Variants in BBS5 observed in about 807,000 individuals in gnomAD.
BBS5 encodes BBSome complex member BBS5.
A neutral mutation model predicts 50.2 loss-of-function variants in BBS5; 39 were observed. That is an observed-to-expected ratio of 0.78 (90% CI 0.60 to 1.01). BBS5 has a LOEUF of 1.01. BBS5 is among the 50% of genes least tolerant of loss of function. The pLI, the probability that BBS5 is intolerant of heterozygous loss-of-function variation, is 0.00. For missense variants in BBS5, 356 were observed against 401.5 expected, an observed-to-expected ratio of 0.89 and a Z score of 0.97; for synonymous variants, 134 against 133.1, an observed-to-expected ratio of 1.01 and a Z score of -0.05.
intron 5 of BBS5, 23 bp from the exon 6 acceptor site, chr2:169,492,851 C>T: frequency 6.2e-7 from 1 of 1,601,594 alleles, no homozygotes. Context: ...TTTGAGTTGT[C>T]TTTTGTTTGT....
chr2:169,492,819 C>T lies in BBS5; in HGVS notation c.387-55C>T, dbSNP rs1001100096. On this transcript the variant is annotated intron_variant, in intron 5 of 11. Coordinates refer to ENST00000295240, the MANE Select transcript of BBS5 (RefSeq NM_152384.3). The stretch of plus-strand genomic sequence containing the variant: ...TACATATTTTAGTAAGTAAACATAA[C>T]CCAAGAAAATCACATTTTCAGTTTG... 6 of 1,515,304 alleles carry T rather than the reference C, an allele frequency of 4.0e-6. No individual in the cohort carries two copies. In the East Asian group the frequency reaches 7.0e-5, roughly 18 times the overall value. 93.9% of individuals were successfully genotyped at this position (1,515,304 alleles called of 1,614,324 possible). A position where few individuals can be genotyped will look rare whatever the true frequency, so the allele number is the denominator to read the frequency against.
At chr2:169,483,719 C>T (rs1223089172) in intron 2 of BBS5, among the ~76,000 whole-genome samples, 1 of 152,148 alleles carries the variant, frequency 6.6e-6, no homozygotes, top group South Asian at 2.1e-4. Flanking sequence ...CACCTACAGG[C>T]AGATCCTTTT....
chr2:169,488,566 G>T (rs1683528422), intron 5 of BBS5, among the ~76,000 whole-genome samples: 1 of 152,230 alleles, frequency 6.6e-6, no homozygotes, highest in South Asian at 2.1e-4. Flanking sequence ...CTCACCTCCT[G>T]CTGGGCAGCC....
intron 1 of BBS5, 23 bp downstream of exon 1, chr2:169,479,635 G>A: frequency 6.2e-7 from 1 of 1,613,960 alleles, no homozygotes; most frequent in Non-Finnish European, 8.5e-7. Flanking sequence ...GATTCCCGAG[G>A]GATCTTCAAC....
chr2:169,504,239 G>A, intron 10 of BBS5, 64 bp from the exon 11 acceptor site: 1 of 1,380,588 alleles, frequency 7.2e-7, no homozygotes, highest in Non-Finnish European at 1.0e-6. Flanking sequence ...AAGTTCCTTA[G>A]CCCACTGATC....
In BBS5 at chr2:169,505,041, C is replaced by G. The variant is rs1206797685; in HGVS notation, c.*459C>G. 2.0e-5 allele frequency: 31 copies of G among 1,512,668 alleles called. No individual in the cohort carries two copies. The highest frequency in any genetic ancestry group is 2.8e-5 in the Non-Finnish European group (31 of 1,097,092). The allele number at this position is 1,512,668 out of a possible 1,614,324, so 93.7% of individuals were successfully genotyped here. On this transcript the variant is annotated 3_prime_UTR_variant, in exon 12 of 12. Transcript: ENST00000295240. Reference sequence around the variant, plus strand: ...CTGTACTGCTGCCATCTCTGGCTCACTGCAACCTCCCTGCCTGATTCTCCT... The same window carrying G: ...CTGTACTGCTGCCATCTCTGGCTCAGTGCAACCTCCCTGCCTGATTCTCCT...
chr2:169,487,839 C>T lies in BBS5; in HGVS notation c.242C>T (p.Thr81Ile), dbSNP rs1683512200. Residue 81 changes from threonine to isoleucine, a missense_variant, in exon 4 of 12, where the codon ACA becomes ATA. Transcript: ENST00000295240. ...TACAATTGCATATTGAATATTACAA[C>T]AAGGACTGCTAACTCTGTAAGTCTA... ...VGYNCILNIT[T>I]RTANSKLRGQ... 1.9e-6 allele frequency: 3 copies of T among 1,607,168 alleles called. No homozygotes were observed. Among genetic ancestry groups the T allele is most frequent in the Non-Finnish European group, 2.6e-6 (3 of 1,174,726 alleles).
In BBS5 at chr2:169,484,829, G is replaced by A. The variant is rs1293684395; in HGVS notation, c.143-2240G>A. On this transcript the variant is annotated intron_variant, in intron 2 of 11. Coordinates refer to ENST00000295240, the MANE Select transcript of BBS5 (RefSeq NM_152384.3). ...TTAAAATATTATATTAAATAGCTGT[G>A]TGAGAATAAAAGGGACAGCCATATT... Among the ~76,000 whole-genome samples, 6 of 152,294 alleles carry A rather than the reference G, an allele frequency of 3.9e-5. No individual in the cohort carries two copies. The East Asian group carries it at 7.7e-4, about 20-fold the overall frequency.
chr2:169,500,456 C>T (rs1157089672), intron 9 of BBS5, among the ~76,000 whole-genome samples: 1 of 152,246 alleles, frequency 6.6e-6, no homozygotes. Flanking sequence ...GCTGTCCTCT[C>T]TGTCCTGGTC....
chr2:169,502,291 T>A (rs951580888), intron 9 of BBS5, among the ~76,000 whole-genome samples: 8 of 152,192 alleles, frequency 5.3e-5, no homozygotes, highest in African/African-American at 1.7e-4. Flanking sequence ...CTGTGAGGCA[T>A]ATTATTATTA....
intron 9 of BBS5, among the ~76,000 whole-genome samples, chr2:169,501,216 C>A (rs1683795103): frequency 6.6e-6 from 1 of 152,184 alleles, no homozygotes; most frequent in Non-Finnish European, 1.5e-5. Flanking sequence ...TTGGCACTGT[C>A]AAAGTCAGCT....
chr2:169,487,945 T>G, intron 4 of BBS5, 42 bp from the exon 5 acceptor site: 1 of 1,610,694 alleles, frequency 6.2e-7, no homozygotes, highest in Non-Finnish European at 8.5e-7. Context: ...AAGGAGAAAT[T>G]GCTCTTAAAA....
intron 5 of BBS5, among the ~76,000 whole-genome samples, chr2:169,488,548 C>A (rs1008175562): frequency 6.6e-6 from 1 of 152,222 alleles, no homozygotes; most frequent in African/African-American, 2.4e-5. Context: ...TCACTCACCC[C>A]CCAACCACTC....
At chr2:169,487,687 T>C (rs1683509837) in intron 3 of BBS5, 119 bp from the exon 4 acceptor site, 1 of 642,870 alleles carries the variant, frequency 1.6e-6, no homozygotes, top group Admixed American at 3.2e-5. Context: ...AAAGTTTATT[T>C]CTATATATGT....
At chr2:169,499,756 G>T (rs899491576) in intron 9 of BBS5, 136 bp downstream of exon 9, 1 of 895,744 alleles carries the variant, frequency 1.1e-6, no homozygotes, top group African/African-American at 1.7e-5. Context: ...GCTCAAGTGG[G>T]CATAGCTCCT....
In BBS5 at chr2:169,505,144, A is replaced by T. The variant is rs917855710; in HGVS notation, c.*562A>T. ...TGGTTTTCGTATTTTTTTGGTGGAG[A>T]CGGGGTTTCGCTGTGTTGGCCGGGC... is the stretch of plus-strand genomic sequence containing the variant. On this transcript the variant is annotated 3_prime_UTR_variant, in exon 12 of 12. Transcript: ENST00000295240. 17 of 703,782 alleles carry T rather than the reference A, an allele frequency of 2.4e-5. No individual in the cohort carries two copies. Among genetic ancestry groups the T allele is most frequent in the Non-Finnish European group, 3.6e-5 (15 of 411,824 alleles). The allele number at this position is 703,782 out of a possible 1,614,324, so 43.6% of individuals were successfully genotyped here. A position where few individuals can be genotyped will look rare whatever the true frequency, so the allele number is the denominator to read the frequency against.
chr2:169,497,686 G>A lies in BBS5; in HGVS notation c.678G>A (p.Gln226=). 1 of 1,581,668 alleles carries A rather than the reference G, an allele frequency of 6.3e-7. No individual in the cohort carries two copies. Among genetic ancestry groups the A allele is most frequent in the Non-Finnish European group, 8.7e-7 (1 of 1,151,146 alleles). The change falls in exon 8 of 12, where the codon CAG becomes CAA. Residue 226 remains glutamine, a synonymous_variant. Transcript: ENST00000295240. ...FGLALVIESS[Q]QSGGYVLGFK... ...TAGCTCTTGTCATAGAAAGCTCTCA[G>A]CAGGTAAGATCTTGTATATTTTTAT...
chr2:169,504,984 A>C lies in BBS5; in HGVS notation c.*402A>C. 8 of 1,612,696 alleles carry C rather than the reference A, an allele frequency of 5.0e-6. No individual in the cohort carries two copies. The highest frequency in any genetic ancestry group is 6.8e-6 in the Non-Finnish European group (8 of 1,179,814). ...GTGTGCTTTTTCAAGGGAGCTGATAAAGAACTTCTTCCCAAAATGGCCGAA... is the reference window on the plus strand; with the variant it reads ...GTGTGCTTTTTCAAGGGAGCTGATACAGAACTTCTTCCCAAAATGGCCGAA... On this transcript the variant is annotated 3_prime_UTR_variant, in exon 12 of 12. Transcript: ENST00000295240.
chr2:169,487,133 T>C lies in BBS5; in HGVS notation c.207T>C (p.Val69=), dbSNP rs1683500360. The C allele has an allele frequency of 1.2e-6, 2 of 1,605,978 alleles. No homozygotes were observed. Among genetic ancestry groups the C allele is most frequent in the African/African-American group, 2.7e-5 (2 of 74,746 alleles). Residue 69 remains valine, a splice_region_variant and synonymous_variant, in exon 3 of 12, where the codon GTT becomes GTC. Coordinates refer to ENST00000295240, the MANE Select transcript of BBS5 (RefSeq NM_152384.3). ...WHSLALSRVN[V]SVGYNCILNI... ...CTTTGGCATTATCAAGAGTCAATGT[T>C]TGTAAGTATCTTTGTTAGATAAGTC...
Sources: gnomAD v4.1 joint callset for allele counts (sites outside exome capture counted in the v4.1 genomes callset) on GRCh38, gnomAD v4.1.1 for gene constraint, MANE v1.5 for transcripts, NCBI Gene and HGNC (gene_info 2026-07-23, HGNC 2026-07-21) for gene names.